Variants in ANKRD11 observed in about 807,000 individuals in gnomAD.
The protein encoded by ANKRD11 is ankyrin repeat domain 11, also known as ankyrin repeat domain-containing protein 11.
In ANKRD11, 17 loss-of-function variants were observed where a neutral mutation model predicts 195.7. The observed-to-expected ratio is 0.09, with a 90% CI of 0.06 to 0.13. The LOEUF is 0.13. Among genes scored for constraint, ANKRD11 ranks in the 10% least tolerant of loss-of-function variants. The pLI is 1.00. For missense variants in ANKRD11, 3,735 were observed against 3,566.1 expected (o/e 1.05, Z -1.21); for synonymous variants, 1,953 against 1,528.1 (o/e 1.28, Z -6.49).
chr16:89,489,887 C>A (rs1448458587), intron 1 of ANKRD11, among the ~76,000 whole-genome samples: 1 of 147,670 alleles, frequency 6.8e-6, no homozygotes, highest in Non-Finnish European at 1.5e-5. Flanking sequence ...CGCCGCGGGC[C>A]CCCGGCCACC....
At chr16:89,434,825 C>T (rs1567801097) in intron 1 of ANKRD11, among the ~76,000 whole-genome samples, 1 of 152,220 alleles carries the variant, frequency 6.6e-6, no homozygotes, top group Non-Finnish European at 1.5e-5. Flanking sequence ...GGCGAGGACA[C>T]TGGCTGTCTG....
chr16:89,459,083 GA>G, intron 1 of ANKRD11: 1 of 192,584 alleles, frequency 5.2e-6, no homozygotes, highest in Non-Finnish European at 1.1e-5. Context: ...ATTCACATGG[GA>G]AATGGATCAG....
chr16:89,313,433 T>C (rs1420863360), intron 3 of ANKRD11: 3 of 1,289,130 alleles, frequency 2.3e-6, no homozygotes, highest in Non-Finnish European at 3.0e-6. Flanking sequence ...GAAGGGGCCC[T>C]TTCTCTGACA....
At chr16:89,270,978 G>A (rs1426302848) in intron 11 of ANKRD11, 69 bp from the exon 12 acceptor site, 2 of 1,463,042 alleles carry the variant, frequency 1.4e-6, no homozygotes, top group African/African-American at 2.8e-5. Flanking sequence ...ATGCCAGCCT[G>A]GGCGATGCTG....
chr16:89,273,337 G>A (rs765788528), intron 11 of ANKRD11, among the ~76,000 whole-genome samples: 5 of 152,060 alleles, frequency 3.3e-5, no homozygotes, highest in East Asian at 1.9e-4. Flanking sequence ...TCTCACCTGC[G>A]GTACAAGAAT....
intron 2 of ANKRD11, among the ~76,000 whole-genome samples, chr16:89,354,196 G>A (rs943847406): frequency 2.8e-5 from 4 of 145,230 alleles, no homozygotes; most frequent in Non-Finnish European, 4.5e-5. Flanking sequence ...TCCAAGGCAC[G>A]CATTTTCACA....
Position 89,281,095 on chromosome 16 carries a change from G to A in ANKRD11, c.5447C>T (p.Pro1816Leu). The change falls in exon 9 of 13, where the codon CCT (proline) becomes CTT (leucine). Residue 1816 changes from proline (P) to leucine (L), a missense_variant. Transcript: ENST00000301030. The surrounding 1 kb of genome is among the most constrained non-coding windows in gnomAD (Gnocchi z 5.5). ...GGGAGAGTCGTAGCTGGAGGCAGCA[G>A]GAACGCTCTGCTGCCTGAAGAGCTT... ...GDKLFRQQSV[P>L]AASSYDSPMP... The A allele has an allele frequency of 6.2e-7, 1 of 1,610,422 alleles. No homozygotes were observed. Among genetic ancestry groups the A allele is most frequent in the South Asian group, 1.1e-5 (1 of 91,014 alleles).
intron 2 of ANKRD11, among the ~76,000 whole-genome samples, chr16:89,321,723 G>GCACAGAAAAAAAAAAAAAAAA (rs2037340239): frequency 1.3e-5 from 2 of 152,030 alleles, no homozygotes; most frequent in Non-Finnish European, 2.9e-5. Context: ...AGACTTCTTT[G>GCACAGAAAAAAAAAAAAAAAA]GGGTTGAAAT....
intron 1 of ANKRD11, among the ~76,000 whole-genome samples, chr16:89,428,844 A>T (rs2152264503): frequency 6.6e-6 from 1 of 152,348 alleles, no homozygotes; most frequent in South Asian, 2.1e-4. Context: ...CAGTAAGCCA[A>T]GATCGTGCCA....
At chr16:89,442,191 A>T (rs2043541140) in intron 1 of ANKRD11, among the ~76,000 whole-genome samples, 1 of 152,258 alleles carries the variant, frequency 6.6e-6, no homozygotes, top group Non-Finnish European at 1.5e-5. Flanking sequence ...AGGACACCCC[A>T]GCTGACAACG....
intron 2 of ANKRD11, among the ~76,000 whole-genome samples, chr16:89,347,547 G>A (rs2039001678): frequency 6.7e-6 from 1 of 149,974 alleles, no homozygotes; most frequent in African/African-American, 2.5e-5. Flanking sequence ...GGAGATGGAG[G>A]TTGCAGCGAG....
In ANKRD11 at chr16:89,285,529, T is replaced by G; in HGVS notation, c.1013A>C (p.Lys338Thr). 6 of 1,614,066 alleles carry G rather than the reference T, an allele frequency of 3.7e-6. No individual in the cohort carries two copies. The highest frequency in any genetic ancestry group is 5.1e-6 in the Non-Finnish European group (6 of 1,179,938). ...KHKAKNPEPQ[K>T]ATAPVKDEYE... ...CTCGTCCTTGACGGGGGCCGTGGCC[T>G]TCTGTGGCTCTGGGTTCTTGGCCTT... Residue 338 changes from lysine to threonine, a missense_variant, in exon 9 of 13, where the codon AAG becomes ACG. By Grantham distance (78) the Lys-to-Thr change is moderately conservative. Coordinates refer to ENST00000301030, the MANE Select transcript of ANKRD11 (RefSeq NM_013275.6). This position sits in a 1 kb window ranked among gnomAD's most constrained non-coding sequence, Gnocchi z 5.6.
intron 2 of ANKRD11, among the ~76,000 whole-genome samples, chr16:89,362,155 G>C (rs1567700508): frequency 6.6e-6 from 1 of 152,236 alleles, no homozygotes; most frequent in Non-Finnish European, 1.5e-5. Flanking sequence ...AATGTGAGTG[G>C]ATTAGGGGAT....
intron 2 of ANKRD11, among the ~76,000 whole-genome samples, chr16:89,385,318 G>A (rs1158804716): frequency 1.3e-5 from 2 of 151,674 alleles, no homozygotes; most frequent in East Asian, 1.9e-4. Flanking sequence ...TAGTAGAGAC[G>A]CTGTTTTGCC....
intron 2 of ANKRD11, among the ~76,000 whole-genome samples, chr16:89,394,820 T>C (rs1178059937): frequency 6.6e-6 from 1 of 151,080 alleles, no homozygotes; most frequent in Non-Finnish European, 1.5e-5. Context: ...ACACATGAGG[T>C]TATTGAGTTA....
chr16:89,302,712 G>A (rs754036767), intron 4 of ANKRD11, among the ~76,000 whole-genome samples: 2 of 152,192 alleles, frequency 1.3e-5, no homozygotes, highest in Non-Finnish European at 2.9e-5. Context: ...AAACACAGGA[G>A]GACAAATACT....
chr16:89,418,077 A>C (rs1335668498), intron 2 of ANKRD11, among the ~76,000 whole-genome samples: 1 of 152,232 alleles, frequency 6.6e-6, no homozygotes, highest in Non-Finnish European at 1.5e-5. Flanking sequence ...TGTGACACCA[A>C]GGATCCCATT....
intron 2 of ANKRD11, among the ~76,000 whole-genome samples, chr16:89,375,768 T>TAAAAAAA (rs36033030): frequency 1.2e-5 from 1 of 84,558 alleles, no homozygotes; most frequent in African/African-American, 4.3e-5. Flanking sequence ...CTCCGTCTCT[T>TAAAAAAA]AAAAAAAAAA....
intron 1 of ANKRD11, among the ~76,000 whole-genome samples, chr16:89,467,896 G>A (rs2056939487): frequency 6.6e-6 from 1 of 152,036 alleles, no homozygotes; most frequent in Non-Finnish European, 1.5e-5. Context: ...TGCCTCCCGG[G>A]TTCAAGTGTT....
Sources: gnomAD v4.1 joint callset for allele counts (sites outside exome capture counted in the v4.1 genomes callset) on GRCh38, gnomAD v4.1.1 for gene constraint, Gnocchi (gnomAD v3.1) non-coding constraint, MANE v1.5 for transcripts, NCBI Gene and HGNC (gene_info 2026-07-23, HGNC 2026-07-21) for gene names.